Variants in KHDRBS2 observed in about 807,000 individuals in gnomAD.
KHDRBS2 encodes KH RNA binding domain containing, signal transduction associated 2.
In KHDRBS2, 26 loss-of-function variants were observed where a neutral mutation model predicts 44.3. That is an observed-to-expected ratio of 0.59 (90% confidence interval 0.43 to 0.81). The LOEUF (loss-of-function observed/expected upper bound fraction) is 0.81, where lower values mean the gene tolerates loss of function less well. KHDRBS2 is among the 40% of genes least tolerant of loss of function. KHDRBS2 has a pLI of 0.00. For synonymous variants in KHDRBS2, 194 were observed against 151.1 expected (o/e 1.28, Z -2.08); for missense variants, 476 against 433.1 (o/e 1.10, Z -0.88).
At chr6:61,650,146 G>T in the KHDRBS2 span, among the ~76,000 whole-genome samples, 14 of 152,024 alleles carry the variant, frequency 9.2e-5, no homozygotes, top group African/African-American at 3.1e-4. Flanking sequence ...TGAGTGACTG[G>T]TTCCTTTTCT....
intron 1 of KHDRBS2, among the ~76,000 whole-genome samples, chr6:62,271,348 G>A (rs1840057550): frequency 1.3e-5 from 2 of 152,070 alleles, no homozygotes; most frequent in African/African-American, 4.8e-5. Context: ...GCCGGTGTTA[G>A]CAAACCTACT....
chr6:62,104,405 T>A (rs1802655534), intron 2 of KHDRBS2, among the ~76,000 whole-genome samples: 3 of 152,216 alleles, frequency 2.0e-5, no homozygotes, highest in Non-Finnish European at 2.9e-5. Context: ...ACTCGTCATC[T>A]AGCATTAGGT....
At chr6:61,909,171 A>T (rs1199555802) in intron 4 of KHDRBS2, among the ~76,000 whole-genome samples, 1 of 151,168 alleles carries the variant, frequency 6.6e-6, no homozygotes, top group Non-Finnish European at 1.5e-5. Context: ...GGCTCAAGAG[A>T]TTCTCCCACC....
At chr6:61,651,292 A>G in the KHDRBS2 span, among the ~76,000 whole-genome samples, 2 of 152,104 alleles carry the variant, frequency 1.3e-5, no homozygotes, top group South Asian at 2.1e-4. Flanking sequence ...AATATTTGCT[A>G]TAATAGATAC....
chr6:61,984,166 T>C (rs1394850903), intron 3 of KHDRBS2, among the ~76,000 whole-genome samples: 1 of 152,170 alleles, frequency 6.6e-6, no homozygotes, highest in Non-Finnish European at 1.5e-5. Flanking sequence ...GCCATACCAC[T>C]TCTGTTCTCA....
chr6:61,907,454 T>C (rs1268593745), intron 4 of KHDRBS2, among the ~76,000 whole-genome samples: 3 of 152,198 alleles, frequency 2.0e-5, no homozygotes, highest in African/African-American at 7.2e-5. Flanking sequence ...CTGTGCTTTT[T>C]GAAGTATTAC....
chr6:61,694,344 CT>C (rs1767675747), intron 8 of KHDRBS2, among the ~76,000 whole-genome samples: 1 of 152,108 alleles, frequency 6.6e-6, no homozygotes, highest in African/African-American at 2.4e-5. Context: ...CTGGTGCAAA[CT>C]TTTATATGTA....
At chr6:62,100,616 T>A (rs1413732409) in intron 2 of KHDRBS2, among the ~76,000 whole-genome samples, 1 of 152,150 alleles carries the variant, frequency 6.6e-6, no homozygotes, top group African/African-American at 2.4e-5. Context: ...GCCATCAAGA[T>A]CAAGTCAAGA....
chr6:61,816,952 T>TA (rs1359127693), intron 6 of KHDRBS2: 1 of 455,804 alleles, frequency 2.2e-6, no homozygotes, highest in Non-Finnish European at 4.4e-6. Flanking sequence ...TGAGACAACT[T>TA]ACCTGGTGAG....
At chr6:61,616,414 T>C in the KHDRBS2 span, among the ~76,000 whole-genome samples, 5 of 151,620 alleles carry the variant, frequency 3.3e-5, no homozygotes, top group East Asian at 5.8e-4. Flanking sequence ...GATGACCCTA[T>C]GCTAAGATGC....
intron 6 of KHDRBS2, among the ~76,000 whole-genome samples, chr6:61,892,565 T>C (rs1396161505): frequency 6.6e-6 from 1 of 152,030 alleles, no homozygotes; most frequent in Admixed American, 6.6e-5. Flanking sequence ...TACAGACCAA[T>C]GGAACAGAAC....
chr6:61,683,251 A>G (rs1766495196), intron 8 of KHDRBS2, among the ~76,000 whole-genome samples: 1 of 151,934 alleles, frequency 6.6e-6, no homozygotes, highest in African/African-American at 2.4e-5. Context: ...TTAAATTGAC[A>G]TAAACCTAGG....
intron 3 of KHDRBS2, among the ~76,000 whole-genome samples, chr6:62,032,175 G>A (rs1784448502): frequency 6.6e-6 from 1 of 152,104 alleles, no homozygotes; most frequent in Non-Finnish European, 1.5e-5. Flanking sequence ...TGGATTGAAG[G>A]ATAAAAAGTA....
At chr6:62,119,797 C>T (rs566400881) in intron 2 of KHDRBS2, among the ~76,000 whole-genome samples, 97 of 152,270 alleles carry the variant, frequency 6.4e-4, no homozygotes, top group African/African-American at 2.2e-3. Flanking sequence ...CCTGAGGCAA[C>T]AGTGATGGCC....
chr6:62,139,923 C>T (rs1197645346), intron 2 of KHDRBS2, among the ~76,000 whole-genome samples: 6 of 141,002 alleles, frequency 4.3e-5, no homozygotes, highest in South Asian at 2.6e-4. Flanking sequence ...TTCCACCTTT[C>T]GCTTTTGTCC....
the KHDRBS2 span, among the ~76,000 whole-genome samples, chr6:61,631,305 C>CAA: frequency 2.6e-3 from 176 of 66,986 alleles, 3 homozygotes; most frequent in East Asian, 9.0e-3. Context: ...ACGAATAAGC[C>CAA]AAAAAAAAAA....
the KHDRBS2 span, among the ~76,000 whole-genome samples, chr6:61,621,413 C>T: frequency 6.6e-6 from 1 of 152,100 alleles, no homozygotes; most frequent in Non-Finnish European, 1.5e-5. Flanking sequence ...GACATGAAAC[C>T]AGAGGACTTT....
At chr6:62,052,767 C>G (rs929077384) in intron 2 of KHDRBS2, among the ~76,000 whole-genome samples, 3 of 152,022 alleles carry the variant, frequency 2.0e-5, no homozygotes, top group Non-Finnish European at 2.9e-5. Flanking sequence ...CTGTGAGAAT[C>G]TAATGCCAGG....
chr6:62,117,806 C>T (rs767390974), intron 2 of KHDRBS2, among the ~76,000 whole-genome samples: 1 of 151,732 alleles, frequency 6.6e-6, no homozygotes, highest in East Asian at 1.9e-4. Flanking sequence ...GATGGAGTCT[C>T]GCTCTGTCAC....
Sources: gnomAD v4.1 joint callset for allele counts (sites outside exome capture counted in the v4.1 genomes callset) on GRCh38, gnomAD v4.1.1 for gene constraint, MANE v1.5 for transcripts, NCBI Gene and HGNC (gene_info 2026-07-23, HGNC 2026-07-21) for gene names.